The following ADGRL3 variants were observed in gnomAD, a reference collection of about 807,000 sequenced individuals.
ADGRL3 encodes the protein calcium-independent alpha-latrotoxin receptor 3.
Under a neutral mutation model 153.5 loss-of-function variants are expected in ADGRL3, and 62 were observed. The observed-to-expected ratio is 0.40, with a 90% CI of 0.33 to 0.50. ADGRL3 has a LOEUF of 0.50. Ranked by LOEUF, ADGRL3 falls within the 20% of genes least tolerant of loss-of-function variation. The probability of loss-of-function intolerance (pLI) is 0.47; values close to 1 mark genes in which losing one functional copy is unlikely to be tolerated. For missense variants in ADGRL3, 1,641 were observed against 1,859.4 expected (o/e 0.88, Z 2.16); for synonymous variants, 710 against 672.5 (o/e 1.06, Z -0.86).
chr4:61,381,996 C>T (rs1017271428), intron 1 of ADGRL3, among the ~76,000 whole-genome samples: 19 of 151,920 alleles, frequency 1.3e-4, no homozygotes, highest in African/African-American at 3.4e-4. Flanking sequence ...CAAAATATAA[C>T]GCTTTTATTA....
chr4:61,907,640 G>GATATAT (rs148695815), intron 11 of ADGRL3, among the ~76,000 whole-genome samples: 2 of 149,328 alleles, frequency 1.3e-5, no homozygotes, highest in African/African-American at 4.9e-5. Context: ...ATATACACAT[G>GATATAT]ATATATATAT....
At chr4:61,682,857 A>C (rs955582971) in intron 6 of ADGRL3, among the ~76,000 whole-genome samples, 1 of 152,138 alleles carries the variant, frequency 6.6e-6, no homozygotes, top group African/African-American at 2.4e-5. Flanking sequence ...TCTATTGAGT[A>C]CCTACTGCAT....
chr4:61,344,636 G>A (rs917262352), intron 1 of ADGRL3, among the ~76,000 whole-genome samples: 9 of 151,980 alleles, frequency 5.9e-5, no homozygotes, highest in African/African-American at 2.2e-4. Flanking sequence ...TGGTGAGAAT[G>A]ATCATTGTGC....
At chr4:61,748,557 A>G (rs36153269) in intron 8 of ADGRL3, among the ~76,000 whole-genome samples, 67,446 of 151,892 alleles carry the variant, frequency 0.44, 15,325 homozygotes, top group East Asian at 0.64. Context: ...ATAACGCTGC[A>G]TATCTACAAC....
intron 5 of ADGRL3, among the ~76,000 whole-genome samples, chr4:61,652,630 T>C (rs1397602826): frequency 6.6e-6 from 1 of 152,212 alleles, no homozygotes; most frequent in Non-Finnish European, 1.5e-5. Flanking sequence ...AGCCATATTA[T>C]GGTGTATATT....
Position 61,892,977 on chromosome 4 carries a change from A to C in ADGRL3, c.1783+19A>C. ...ACTATAGGTAAGTCTGTGCTAAAGC[A>C]CTAAGTTAAAACTGTTGTGTTGCTT... On this transcript the variant is annotated intron_variant, in intron 10 of 26. Coordinates refer to ENST00000683033, the MANE Select transcript of ADGRL3 (RefSeq NM_001387552.1). The C allele has an allele frequency of 1.4e-6, 2 of 1,463,030 alleles. No homozygotes were observed. The highest frequency in any genetic ancestry group is 4.9e-5 in the East Asian group (2 of 40,974). 90.6% of individuals were successfully genotyped at this position (1,463,030 alleles called of 1,614,324 possible).
chr4:61,479,691 A>T (rs2098111596), intron 2 of ADGRL3, among the ~76,000 whole-genome samples: 1 of 152,142 alleles, frequency 6.6e-6, no homozygotes, highest in African/African-American at 2.4e-5. Flanking sequence ...AATGGTGTAA[A>T]TTCACTGAAA....
chr4:61,261,273 C>A (rs541130792), intron 1 of ADGRL3, among the ~76,000 whole-genome samples: 1 of 150,544 alleles, frequency 6.6e-6, no homozygotes, highest in Non-Finnish European at 1.5e-5. Context: ...CTCAAGAGAT[C>A]CTCCTGCTTC....
chr4:61,242,873 G>T (rs6551613), intron 1 of ADGRL3, among the ~76,000 whole-genome samples: 1 of 152,094 alleles, frequency 6.6e-6, no homozygotes, highest in Non-Finnish European at 1.5e-5. Context: ...TAATTCTATA[G>T]TTTATTTTAA....
intron 1 of ADGRL3, among the ~76,000 whole-genome samples, chr4:61,211,166 C>T (rs768610888): frequency 2.6e-5 from 4 of 152,056 alleles, no homozygotes; most frequent in African/African-American, 4.8e-5. Context: ...ATTGCAAAGA[C>T]GCCTCCAGCT....
intron 15 of ADGRL3, among the ~76,000 whole-genome samples, chr4:61,939,645 T>A (rs184348847): frequency 2.4e-3 from 358 of 152,092 alleles, no homozygotes; most frequent in Non-Finnish European, 4.0e-3. Context: ...AATTTTTGTA[T>A]TTTTAGTAGA....
intron 23 of ADGRL3, among the ~76,000 whole-genome samples, chr4:62,036,373 G>T (rs1434199190): frequency 1.3e-5 from 2 of 151,798 alleles, no homozygotes; most frequent in Non-Finnish European, 2.9e-5. Flanking sequence ...AGCCGTTCTT[G>T]GCCTCCCACA....
intron 6 of ADGRL3, among the ~76,000 whole-genome samples, chr4:61,692,810 A>G (rs931417759): frequency 1.3e-5 from 2 of 152,068 alleles, no homozygotes; most frequent in African/African-American, 2.4e-5. Context: ...AATTCACTCT[A>G]TTACAATTTT....
intron 2 of ADGRL3, among the ~76,000 whole-genome samples, chr4:61,421,328 C>T (rs1311458171): frequency 1.3e-5 from 2 of 151,338 alleles, no homozygotes; most frequent in South Asian, 2.1e-4. Flanking sequence ...AGCAAGACTT[C>T]GTCTCAAAAA....
chr4:61,922,760 G>C (rs1441161114), intron 13 of ADGRL3, among the ~76,000 whole-genome samples: 1 of 152,174 alleles, frequency 6.6e-6, no homozygotes, highest in Non-Finnish European at 1.5e-5. Context: ...TTCAGGTGCA[G>C]GGATTCACGG....
chr4:61,994,566 G>A (rs1294525294), intron 19 of ADGRL3, among the ~76,000 whole-genome samples: 1 of 151,888 alleles, frequency 6.6e-6, no homozygotes, highest in East Asian at 1.9e-4. Context: ...CAAAGTAAAG[G>A]AAGCCAAAAA....
At chr4:62,048,967 T>G (rs1732662707) in intron 25 of ADGRL3, among the ~76,000 whole-genome samples, 1 of 152,166 alleles carries the variant, frequency 6.6e-6, no homozygotes, top group Admixed American at 6.6e-5. Context: ...TCTACTTTTT[T>G]ATTAACTCTA....
chr4:61,917,812 T>C, intron 13 of ADGRL3, among the ~76,000 whole-genome samples: 1 of 151,536 alleles, frequency 6.6e-6, no homozygotes, highest in East Asian at 1.9e-4. Flanking sequence ...AACAGAAAGT[T>C]CCTGAAATGG....
intron 11 of ADGRL3, among the ~76,000 whole-genome samples, chr4:61,898,207 A>G (rs900577169): frequency 6.6e-6 from 1 of 152,122 alleles, no homozygotes; most frequent in African/African-American, 2.4e-5. Flanking sequence ...AGGAGGGTAG[A>G]GAGTAGCCCT....
Sources: gnomAD v4.1 joint callset for allele counts (sites outside exome capture counted in the v4.1 genomes callset) on GRCh38, gnomAD v4.1.1 for gene constraint, MANE v1.5 for transcripts, NCBI Gene and HGNC (gene_info 2026-07-23, HGNC 2026-07-21) for gene names.